The following SNTG1 variants were observed in gnomAD, a reference collection of about 807,000 sequenced individuals.
The protein encoded by SNTG1 is syntrophin gamma 1.
SNTG1 carries 39 observed loss-of-function variants against 74.7 expected under a neutral mutation model. The observed-to-expected ratio is 0.52, with a 90% CI of 0.40 to 0.68. The LOEUF is 0.68. SNTG1 is among the 30% of genes least tolerant of loss of function. SNTG1 has a pLI of 0.00. For missense variants in SNTG1, 685 were observed against 609.5 expected (o/e 1.12, Z -1.30); for synonymous variants, 254 against 217.1 (o/e 1.17, Z -1.49).
chr8:50,027,479 A>G (rs1012732004), intron 1 of SNTG1, among the ~76,000 whole-genome samples: 10 of 152,198 alleles, frequency 6.6e-5, no homozygotes, highest in Non-Finnish European at 2.9e-5. Flanking sequence ...AGATGAGATT[A>G]TATGGATTAG....
At chr8:50,056,655 C>T (rs763008234) in intron 1 of SNTG1, among the ~76,000 whole-genome samples, 1 of 152,192 alleles carries the variant, frequency 6.6e-6, no homozygotes, top group Non-Finnish European at 1.5e-5. Flanking sequence ...AAGATGACGA[C>T]ATTTCCTTCC....
chr8:50,223,038 C>T (rs946392316), intron 2 of SNTG1, among the ~76,000 whole-genome samples: 1 of 151,926 alleles, frequency 6.6e-6, no homozygotes, highest in Non-Finnish European at 1.5e-5. Flanking sequence ...TAGAAAGACC[C>T]TGAAAACCTT....
At chr8:50,022,657 C>T (rs1018796948) in intron 1 of SNTG1, among the ~76,000 whole-genome samples, 1 of 152,112 alleles carries the variant, frequency 6.6e-6, no homozygotes, top group Non-Finnish European at 1.5e-5. Context: ...TTGTTTTGTT[C>T]TTTCGTTCAT....
At chr8:49,939,562 G>A (rs868261064) in intron 1 of SNTG1, among the ~76,000 whole-genome samples, 6 of 152,124 alleles carry the variant, frequency 3.9e-5, no homozygotes, top group African/African-American at 9.7e-5. Flanking sequence ...TTAGCCTCCC[G>A]AGTAACTACA....
intron 2 of SNTG1, among the ~76,000 whole-genome samples, chr8:50,276,091 A>G (rs1563832365): frequency 6.6e-6 from 1 of 152,174 alleles, no homozygotes; most frequent in Non-Finnish European, 1.5e-5. Context: ...AACAATACCT[A>G]CGTACCAGAG....
intron 2 of SNTG1, among the ~76,000 whole-genome samples, chr8:50,302,472 T>A (rs79840412): frequency 0.06 from 9,156 of 152,274 alleles, 311 homozygotes; most frequent in South Asian, 0.074. Flanking sequence ...GTAGTGAGTC[T>A]GCCAGTATCC....
intron 4 of SNTG1, among the ~76,000 whole-genome samples, chr8:50,425,556 G>A (rs1431070607): frequency 2.0e-5 from 3 of 151,960 alleles, no homozygotes; most frequent in Non-Finnish European, 4.4e-5. Flanking sequence ...ATATATTACA[G>A]TATAATAATA....
intron 18 of SNTG1, among the ~76,000 whole-genome samples, chr8:50,758,614 T>C (rs563454433): frequency 3.0e-4 from 46 of 152,066 alleles, no homozygotes; most frequent in Non-Finnish European, 5.6e-4. Flanking sequence ...AGAATGATGG[T>C]TTCCAGCTTC....
At chr8:50,526,474 C>A (rs2130253606) in intron 9 of SNTG1, among the ~76,000 whole-genome samples, 1 of 152,154 alleles carries the variant, frequency 6.6e-6, no homozygotes, top group Admixed American at 6.5e-5. Context: ...GACTTATTAA[C>A]TAGTTTCTGG....
chr8:50,654,664 T>C (rs1355742259), intron 13 of SNTG1, among the ~76,000 whole-genome samples: 4 of 152,208 alleles, frequency 2.6e-5, no homozygotes, highest in African/African-American at 7.2e-5. Context: ...ACAAGTCTTA[T>C]GAAAATATAT....
intron 15 of SNTG1, among the ~76,000 whole-genome samples, chr8:50,703,386 C>T (rs2095432879): frequency 6.6e-6 from 1 of 152,004 alleles, no homozygotes; most frequent in Non-Finnish European, 1.5e-5. Flanking sequence ...TGCATATAGT[C>T]AGGATGAGTT....
intron 2 of SNTG1, among the ~76,000 whole-genome samples, chr8:50,268,804 A>ACAC (rs1195115779): frequency 6.6e-6 from 1 of 151,872 alleles, no homozygotes; most frequent in Non-Finnish European, 1.5e-5. Flanking sequence ...TTACAGGCAC[A>ACAC]CACCACCACA....
At chr8:50,735,269 A>T (rs2095525380) in intron 17 of SNTG1, among the ~76,000 whole-genome samples, 1 of 151,734 alleles carries the variant, frequency 6.6e-6, no homozygotes. Flanking sequence ...ATTCCATGCA[A>T]ATGATAGCCA....
chr8:50,312,601 G>T (rs1298197294), intron 2 of SNTG1, among the ~76,000 whole-genome samples: 1 of 149,750 alleles, frequency 6.7e-6, no homozygotes, highest in African/African-American at 2.5e-5. Flanking sequence ...GGGTTAAAAA[G>T]TTCTACGATT....
intron 18 of SNTG1, among the ~76,000 whole-genome samples, chr8:50,789,219 TG>T (rs2095684481): frequency 1.3e-5 from 2 of 151,990 alleles, no homozygotes; most frequent in Admixed American, 1.3e-4. Flanking sequence ...AGGATTAAAA[TG>T]GCCTCTGTGT....
At chr8:50,108,251 A>AC (rs1293344627) in intron 1 of SNTG1, among the ~76,000 whole-genome samples, 10 of 152,220 alleles carry the variant, frequency 6.6e-5, no homozygotes, top group Admixed American at 1.3e-4. Flanking sequence ...CAACAAATGA[A>AC]CAGAATACTG....
At chr8:50,359,389 T>C (rs1156738231) in intron 2 of SNTG1, among the ~76,000 whole-genome samples, 2 of 152,234 alleles carry the variant, frequency 1.3e-5, no homozygotes, top group African/African-American at 4.8e-5. Flanking sequence ...CTATACAGTC[T>C]ACTTTCTGGG....
rs567021465 is a variant in SNTG1 at position 50,780,706 on chromosome 8, A to G, written c.1396-11965A>G. ...GCTTTTTTGTGTCTCTATTTCCTTC[A>G]GTTCTGCTCTGATTTTAGTTATTTC... On this transcript the variant is annotated intron_variant, in intron 18 of 18. Coordinates refer to ENST00000642720, the MANE Select transcript of SNTG1 (RefSeq NM_018967.5). Among the ~76,000 whole-genome samples, 15 of 151,864 alleles carry G rather than the reference A, an allele frequency of 9.9e-5. No homozygotes were observed. In the East Asian group the frequency reaches 2.9e-3, roughly 29 times the overall value.
At chr8:49,947,231 C>G (rs988635286) in intron 1 of SNTG1, among the ~76,000 whole-genome samples, 1 of 152,050 alleles carries the variant, frequency 6.6e-6, no homozygotes, top group Non-Finnish European at 1.5e-5. Flanking sequence ...ACCTGGGAGG[C>G]AGAGGTTGCA....
Sources: allele counts gnomAD v4.1 joint callset (sites outside exome capture counted in the v4.1 genomes callset), GRCh38; gene constraint gnomAD v4.1.1; transcripts MANE v1.5; gene names NCBI Gene and HGNC (gene_info 2026-07-23, HGNC 2026-07-21).